PREP: variants seen among roughly 807,000 people sequenced by gnomAD.
The protein encoded by PREP is dJ355L5.1 (prolyl endopeptidase).
In PREP, 29 loss-of-function variants were observed where a neutral mutation model predicts 87.6. That is an observed-to-expected ratio of 0.33 (90% confidence interval 0.25 to 0.45). The LOEUF is 0.45. Ranked by LOEUF, PREP falls within the 20% of genes least tolerant of loss-of-function variation. The probability of loss-of-function intolerance (pLI) is 1.00; values close to 1 mark genes in which losing one functional copy is unlikely to be tolerated. For missense variants in PREP, 695 were observed against 886.5 expected, an observed-to-expected ratio of 0.78 and a Z score of 2.74; for synonymous variants, 337 against 328.6, an observed-to-expected ratio of 1.03 and a Z score of -0.28.
chr6:105,281,195 T>G (rs1770073684), intron 14 of PREP: 1 of 152,348 alleles, frequency 6.6e-6, no homozygotes, highest in Admixed American at 6.5e-5. Context: ...GTTGGCAGAA[T>G]TTAGTTTTGT....
intron 2 of PREP, among the ~76,000 whole-genome samples, chr6:105,380,172 G>C (rs1772800035): frequency 6.6e-6 from 1 of 152,172 alleles, no homozygotes; most frequent in Non-Finnish European, 1.5e-5. Context: ...GGTCACAAAA[G>C]CCCTTCTGAG....
Position 105,277,903 on chromosome 6 carries a change from T to TAA in PREP, c.*239_*240dup. ...TTAGCTATTTATCCCAACATGCCCT[T>TAA]AAAAAAAACACCAAAAAACCACATG... On this transcript the variant is annotated 3_prime_UTR_variant, in exon 15 of 15. Coordinates refer to ENST00000652536, the MANE Select transcript of PREP (RefSeq NM_002726.5). The TAA allele has an allele frequency of 1.8e-6, 1 of 555,568 alleles. No individual in the cohort carries two copies. Among genetic ancestry groups the TAA allele is most frequent in the Non-Finnish European group, 3.1e-6 (1 of 319,250 alleles). 34.4% of individuals were successfully genotyped at this position (555,568 alleles called of 1,614,324 possible). A position where few individuals can be genotyped will look rare whatever the true frequency, so the allele number is the denominator to read the frequency against.
chr6:105,350,290 T>C (rs1771914258), intron 7 of PREP, among the ~76,000 whole-genome samples: 1 of 152,222 alleles, frequency 6.6e-6, no homozygotes, highest in South Asian at 2.1e-4. Flanking sequence ...TGCATTTTCA[T>C]TATTCCTCAC....
intron 6 of PREP, among the ~76,000 whole-genome samples, chr6:105,368,306 C>T: frequency 6.6e-6 from 1 of 152,174 alleles, no homozygotes; most frequent in South Asian, 2.1e-4. Flanking sequence ...CCAAGTACCC[C>T]TAAGTTTCTT....
intron 10 of PREP, among the ~76,000 whole-genome samples, chr6:105,315,107 C>T (rs1770833074): frequency 6.6e-6 from 1 of 152,172 alleles, no homozygotes; most frequent in South Asian, 2.1e-4. Flanking sequence ...TGCTGTCATC[C>T]AGGCCATTTC....
At chr6:105,394,183 CCT>C (rs1270264137) in intron 2 of PREP, among the ~76,000 whole-genome samples, 2 of 151,970 alleles carry the variant, frequency 1.3e-5, no homozygotes, top group African/African-American at 4.8e-5. Flanking sequence ...ATATAATTAC[CCT>C]GATTGGTATT....
At chr6:105,367,448 C>T (rs1195893202) in intron 6 of PREP, among the ~76,000 whole-genome samples, 15 of 152,000 alleles carry the variant, frequency 9.9e-5, no homozygotes, top group Non-Finnish European at 8.8e-5. Context: ...CCGAAGCGGG[C>T]GGATCACGAG....
At position 105,276,959 on chromosome 6, in the gene PREP, AAAT is replaced by A. The variant is rs1191277601; in HGVS notation, c.*1182_*1184del. On this transcript the variant is annotated 3_prime_UTR_variant, in exon 15 of 15. Coordinates refer to ENST00000652536, the MANE Select transcript of PREP (RefSeq NM_002726.5). ...TTATATAAGGTTAAGATACTATATA[AAAT>A]AATAATTTTTATCATATCATCTGAT... is the stretch of plus-strand genomic sequence containing the variant. Among the ~76,000 whole-genome samples the A allele has an allele frequency of 3.3e-5, 5 of 151,812 alleles. No individual in the cohort carries two copies. Among genetic ancestry groups the A allele is most frequent in the South Asian group, 2.1e-4 (1 of 4,830 alleles).
intron 4 of PREP, among the ~76,000 whole-genome samples, chr6:105,375,524 G>A (rs957880773): frequency 6.6e-6 from 1 of 152,170 alleles, no homozygotes; most frequent in East Asian, 1.9e-4. Context: ...TTATCTTAGG[G>A]GCAGAGTTAA....
intron 7 of PREP, among the ~76,000 whole-genome samples, chr6:105,344,694 C>A (rs549407836): frequency 2.2e-5 from 3 of 138,832 alleles, no homozygotes; most frequent in Admixed American, 1.4e-4. Context: ...GTGGGGGAGG[C>A]GGGAGGGAGA....
At chr6:105,349,333 C>T (rs1771880846) in intron 7 of PREP, among the ~76,000 whole-genome samples, 2 of 152,164 alleles carry the variant, frequency 1.3e-5, no homozygotes, top group Non-Finnish European at 2.9e-5. Context: ...GAACAGAAGT[C>T]CACACTTATT....
chr6:105,402,764 G>T, intron 1 of PREP, 83 bp downstream of exon 1: 5 of 1,329,026 alleles, frequency 3.8e-6, no homozygotes, highest in Non-Finnish European at 4.1e-6. Context: ...AGGCCTACAG[G>T]AAGAGGAGCT....
At chr6:105,399,757 T>C (rs934141555) in intron 1 of PREP, among the ~76,000 whole-genome samples, 2 of 152,216 alleles carry the variant, frequency 1.3e-5, no homozygotes, top group Non-Finnish European at 2.9e-5. Context: ...AAATTTTGAA[T>C]TGTAAAGCAT....
intron 10 of PREP, among the ~76,000 whole-genome samples, chr6:105,318,156 A>G (rs988885321): frequency 6.6e-6 from 1 of 152,256 alleles, no homozygotes; most frequent in African/African-American, 2.4e-5. Context: ...TTTCCTTGAT[A>G]AAAAGGCCCT....
chr6:105,365,191 G>T (rs763237546), intron 6 of PREP, among the ~76,000 whole-genome samples: 1 of 152,224 alleles, frequency 6.6e-6, no homozygotes, highest in Non-Finnish European at 1.5e-5. Flanking sequence ...AGGTTGCAGC[G>T]AGCCGAAATC....
At chr6:105,299,900 C>CTT (rs199769252) in intron 10 of PREP, among the ~76,000 whole-genome samples, 15 of 143,254 alleles carry the variant, frequency 1.0e-4, no homozygotes, top group African/African-American at 1.8e-4. Flanking sequence ...TGCTTCTCTG[C>CTT]TTTTTTTTTT....
rs1248463288 is a variant in PREP, at chr6:105,369,007, T to C, written c.613A>G (p.Asn205Asp). 1.9e-6 allele frequency: 3 copies of C among 1,613,978 alleles called. No homozygotes were observed. Among genetic ancestry groups the C allele is most frequent in the Non-Finnish European group, 2.5e-6 (3 of 1,179,898 alleles). ...TGGTAGTAGAGCTTTTGGTGGAGATTGGTAGATGTCTCTGTGCCTGAAGGA... is the reference window on the plus strand; with the variant it reads ...TGGTAGTAGAGCTTTTGGTGGAGATCGGTAGATGTCTCTGTGCCTGAAGGA... ...GKSDGTETST[N>D]LHQKLYYHVL... Residue 205 changes from asparagine (N) to aspartate (D), a missense_variant, in exon 6 of 15, where the codon AAT becomes GAT. Physicochemically the swap from Asn to Asp is conservative, Grantham distance 23. This residue lies in a region of PREP where 517 missense variants were observed against 620.3 expected (regional missense o/e 0.83). Coordinates refer to ENST00000652536, the MANE Select transcript of PREP (RefSeq NM_002726.5).
intron 10 of PREP, chr6:105,322,289 C>T: frequency 3.3e-6 from 3 of 922,116 alleles, no homozygotes; most frequent in Non-Finnish European, 3.9e-6. Flanking sequence ...ACATTTATTT[C>T]TAACGTTGAT....
rs577023145 is a variant in PREP at position 105,337,087 on chromosome 6, C to T, written c.824-3582G>A. Among the ~76,000 whole-genome samples, 25 of 152,206 alleles carry T rather than the reference C, an allele frequency of 1.6e-4. No individual in the cohort carries two copies. The South Asian group carries it at 4.4e-3, about 26-fold the overall frequency. On this transcript the variant is annotated intron_variant, in intron 7 of 14. Transcript: ENST00000652536. ...CTTCTTGTTTATTGTTTAAAAGAAGCATCACACTGTGTAAGTATATTTACC... is the reference window on the plus strand; with the variant it reads ...CTTCTTGTTTATTGTTTAAAAGAAGTATCACACTGTGTAAGTATATTTACC...
Sources: allele counts gnomAD v4.1 joint callset (sites outside exome capture counted in the v4.1 genomes callset), GRCh38; gene constraint gnomAD v4.1.1; regional missense constraint gnomAD v4.1.1; transcripts MANE v1.5; gene names NCBI Gene and HGNC (gene_info 2026-07-23, HGNC 2026-07-21).